SUZ12: variants seen among roughly 807,000 people sequenced by gnomAD.
The protein encoded by SUZ12 is polycomb protein SUZ12.
SUZ12 carries 17 observed loss-of-function variants against 87.3 expected under a neutral mutation model. The ratio of observed to expected loss-of-function variants is 0.19; its 90% CI spans 0.13 to 0.29. The LOEUF (loss-of-function observed/expected upper bound fraction) is 0.29. Among genes scored for constraint, SUZ12 ranks in the 10% least tolerant of loss-of-function variants. The pLI is 1.00. For missense variants in SUZ12, 526 were observed against 912.2 expected, an observed-to-expected ratio of 0.58 and a Z score of 5.45; for synonymous variants, 253 against 312.4, an observed-to-expected ratio of 0.81 and a Z score of 2.01.
chr17:31,994,876 T>G (rs1401053810), intron 13 of SUZ12, among the ~76,000 whole-genome samples, 155 bp downstream of exon 13: 1 of 152,236 alleles, frequency 6.6e-6, no homozygotes, highest in Non-Finnish European at 1.5e-5. Context: ...TTATAACACT[T>G]GATAGCTCCT....
chr17:31,949,676 C>CTTTTTTTTTTTTTTTTTTTTTTTT (rs71360790), intron 4 of SUZ12, among the ~76,000 whole-genome samples: 1 of 12,388 alleles, frequency 8.1e-5, no homozygotes, highest in Non-Finnish European at 1.5e-4. Flanking sequence ...CCCCCCCCCC[C>CTTTTTTTTTTTTTTTTTTTTTTTT]TTTTTTTTTT....
intron 4 of SUZ12, chr17:31,963,961 T>C (rs1399246231): frequency 1.3e-5 from 2 of 152,260 alleles, no homozygotes; most frequent in African/African-American, 4.8e-5. Flanking sequence ...TAACTCTGCT[T>C]GGACCCTTAT....
chr17:31,951,882 C>G (rs1484175880), intron 4 of SUZ12, among the ~76,000 whole-genome samples: 6 of 150,828 alleles, frequency 4.0e-5, no homozygotes, highest in Admixed American at 1.3e-4. Context: ...TCAAGAGATT[C>G]TCCTGCCGCA....
intron 5 of SUZ12, chr17:31,967,412 G>T (rs1326116829): frequency 6.6e-6 from 1 of 152,216 alleles, no homozygotes; most frequent in Non-Finnish European, 1.5e-5. Flanking sequence ...ACTTTGGGAG[G>T]CTGAGGCGGG....
chr17:31,945,022 G>C (rs184112254), intron 3 of SUZ12, among the ~76,000 whole-genome samples: 1 of 145,848 alleles, frequency 6.9e-6, no homozygotes, highest in Admixed American at 7.0e-5. Flanking sequence ...TGAATGTGCC[G>C]GTGCACTCTA....
At chr17:31,992,450 C>T (rs1909768217) in intron 10 of SUZ12, among the ~76,000 whole-genome samples, 1 of 152,102 alleles carries the variant, frequency 6.6e-6, no homozygotes, top group Admixed American at 6.6e-5. Context: ...TCCTCAGTCG[C>T]CCAGGCTGGA....
intron 4 of SUZ12, among the ~76,000 whole-genome samples, chr17:31,962,627 G>A (rs76983282): frequency 0.062 from 9,282 of 150,816 alleles, no homozygotes; most frequent in African/African-American, 0.2. Context: ...CACACTCTCT[G>A]TGAGAGAAAA....
At chr17:31,988,087 G>A (rs1475893869) in intron 9 of SUZ12, among the ~76,000 whole-genome samples, 2 of 152,156 alleles carry the variant, frequency 1.3e-5, no homozygotes, top group Non-Finnish European at 2.9e-5. Context: ...TTCACCTGTT[G>A]CTGATCAGTG....
chr17:31,961,200 G>C (rs141969134), intron 4 of SUZ12, among the ~76,000 whole-genome samples: 2,662 of 150,862 alleles, frequency 0.018, 75 homozygotes, highest in African/African-American at 0.06. Context: ...GTGACAGAGC[G>C]AGACTCCGTC....
intron 5 of SUZ12, among the ~76,000 whole-genome samples, chr17:31,968,716 G>A (rs1041203874): frequency 3.9e-5 from 6 of 152,094 alleles, no homozygotes; most frequent in African/African-American, 1.4e-4. Flanking sequence ...TCTAGTCATC[G>A]TATTTTGTTT....
At chr17:31,968,278 G>A (rs500496) in intron 5 of SUZ12, among the ~76,000 whole-genome samples, 16,255 of 152,096 alleles carry the variant, frequency 0.11, 1,063 homozygotes, top group Middle Eastern at 0.15. Context: ...ACAGGGTCTT[G>A]CTCGTGTCAC....
intron 4 of SUZ12, among the ~76,000 whole-genome samples, chr17:31,960,720 C>T (rs762724146): frequency 2.0e-5 from 3 of 151,974 alleles, no homozygotes; most frequent in Admixed American, 1.3e-4. Flanking sequence ...TGGGATTACA[C>T]GCGGGTGTCA....
At chr17:31,977,338 C>T (rs920661191) in intron 8 of SUZ12, among the ~76,000 whole-genome samples, 3 of 148,234 alleles carry the variant, frequency 2.0e-5, no homozygotes, top group Non-Finnish European at 3.0e-5. Flanking sequence ...AGTGCAGTGG[C>T]GCAATCTCTG....
intron 4 of SUZ12, among the ~76,000 whole-genome samples, chr17:31,954,970 G>A (rs1196090441): frequency 2.6e-5 from 4 of 152,308 alleles, no homozygotes; most frequent in East Asian, 1.9e-4. Context: ...TAAGAAAGTC[G>A]TTTGTTCGTT....
chr17:31,955,140 C>T (rs756941515), intron 4 of SUZ12, among the ~76,000 whole-genome samples: 28 of 152,048 alleles, frequency 1.8e-4, no homozygotes, highest in Non-Finnish European at 3.5e-4. Context: ...TTTGCCCTGT[C>T]GCTGAGGTGG....
chr17:31,962,576 A>G lies in SUZ12; in HGVS notation c.456-3571A>G, dbSNP rs558525002. Among the ~76,000 whole-genome samples the G allele has an allele frequency of 1.3e-4, 20 of 152,260 alleles. No individual in the cohort carries two copies. The East Asian group carries it at 2.7e-3, about 21-fold the overall frequency. On this transcript the variant is annotated intron_variant, in intron 4 of 15. Transcript: ENST00000322652. ...ACTGTATACCAGTCTGGGTGACACA[A>G]CGAGACCCTGTCTGAAAGCAAAAAA...
At chr17:31,945,253 G>C (rs1906567542) in intron 3 of SUZ12, among the ~76,000 whole-genome samples, 1 of 152,070 alleles carries the variant, frequency 6.6e-6, no homozygotes, top group Non-Finnish European at 1.5e-5. Flanking sequence ...AATGTTTTCA[G>C]AACTCGTTTT....
At position 31,983,260 on chromosome 17, in the gene SUZ12, C is replaced by T. The variant is rs181765473; in HGVS notation, c.1023+156C>T. On this transcript the variant is annotated intron_variant, in intron 9 of 15. Transcript: ENST00000322652. ...TAAATGATCTAGTCAGAGCATTTAACGGAAGGTATCATTCTTTTTTTTTTT... is the reference window on the plus strand; with the variant it reads ...TAAATGATCTAGTCAGAGCATTTAATGGAAGGTATCATTCTTTTTTTTTTT... Among the ~76,000 whole-genome samples, 68 of 146,000 alleles carry T rather than the reference C, an allele frequency of 4.7e-4. 1 individual carries two copies. The East Asian group carries it at 0.011, about 25-fold the overall frequency.
intron 5 of SUZ12, chr17:31,967,350 G>C (rs1908157031): frequency 6.6e-6 from 1 of 151,328 alleles, no homozygotes; most frequent in Non-Finnish European, 1.5e-5. Context: ...AACAAAGATT[G>C]AAAATGAGTC....
Sources: gnomAD v4.1 joint callset for allele counts (sites outside exome capture counted in the v4.1 genomes callset) on GRCh38, gnomAD v4.1.1 for gene constraint, MANE v1.5 for transcripts, NCBI Gene and HGNC (gene_info 2026-07-23, HGNC 2026-07-21) for gene names.